The following CBFA2T3 variants were observed in gnomAD, a reference collection of about 807,000 sequenced individuals.
The protein encoded by CBFA2T3 is transcriptional corepressor CBFA2T3.
CBFA2T3 carries 31 observed loss-of-function variants against 58.6 expected under a neutral mutation model. That is an observed-to-expected ratio of 0.53 (90% CI 0.40 to 0.71). The LOEUF (loss-of-function observed/expected upper bound fraction) is 0.71, where lower values mean the gene tolerates loss of function less well. CBFA2T3 is among the 30% of genes least tolerant of loss of function. CBFA2T3 has a pLI of 0.00. For missense variants in CBFA2T3, 1,076 were observed against 963.1 expected (o/e 1.12, Z -1.55); for synonymous variants, 531 against 421.9 (o/e 1.26, Z -3.17).
At chr16:88,896,052 CAA>C (rs1969875083) in intron 3 of CBFA2T3, among the ~76,000 whole-genome samples, 1 of 152,200 alleles carries the variant, frequency 6.6e-6, no homozygotes, top group Non-Finnish European at 1.5e-5. Flanking sequence ...CTGCGCTGCC[CAA>C]GTCAGCCCCC....
At chr16:88,911,286 G>A (rs917009443) in intron 1 of CBFA2T3, among the ~76,000 whole-genome samples, 9 of 152,242 alleles carry the variant, frequency 5.9e-5, no homozygotes, top group Non-Finnish European at 1.3e-4. Context: ...GCAACAGAGC[G>A]GGGCCAGGTG....
chr16:88,947,681 A>C (rs926404506), intron 1 of CBFA2T3, among the ~76,000 whole-genome samples: 2 of 152,232 alleles, frequency 1.3e-5, no homozygotes, highest in African/African-American at 4.8e-5. Context: ...TGGGAGGCCA[A>C]GGAAGTAGTA....
At chr16:88,929,095 G>T (rs1313708565) in intron 1 of CBFA2T3, among the ~76,000 whole-genome samples, 3 of 152,158 alleles carry the variant, frequency 2.0e-5, no homozygotes, top group African/African-American at 7.2e-5. Context: ...ACCTGGGATG[G>T]GGGTCAGGGG....
chr16:88,940,498 A>C (rs2142804773), intron 1 of CBFA2T3, among the ~76,000 whole-genome samples: 1 of 152,312 alleles, frequency 6.6e-6, no homozygotes, highest in African/African-American at 2.4e-5. Flanking sequence ...GGCTGTGCCG[A>C]GGCCCGCGGC....
intron 1 of CBFA2T3, among the ~76,000 whole-genome samples, chr16:88,974,460 A>C (rs1435070982): frequency 6.6e-6 from 1 of 151,978 alleles, no homozygotes; most frequent in Non-Finnish European, 1.5e-5. Flanking sequence ...CTCAGCCCCC[A>C]GGACGCTGTC....
In CBFA2T3 at chr16:88,938,208, T is replaced by A. The variant is rs529056853; in HGVS notation, c.152-36552A>T. 43 of 152,378 alleles carry A rather than the reference T, an allele frequency of 2.8e-4. No homozygotes were observed. The East Asian group carries it at 6.0e-3, about 21-fold the overall frequency. The allele number at this position is 152,378 out of a possible 1,614,324, so 9.4% of individuals were successfully genotyped here. A position where few individuals can be genotyped will look rare whatever the true frequency, so the allele number is the denominator to read the frequency against. The stretch of plus-strand genomic sequence containing the variant: ...CAGGTGAGGGCTTTTGCACCTACAG[T>A]GCTAACCCCGAGTCATGACCGAGCC... On this transcript the variant is annotated intron_variant, in intron 1 of 11. Transcript: ENST00000268679.
At chr16:88,976,253 C>T (rs1226700425) in intron 1 of CBFA2T3, among the ~76,000 whole-genome samples, 1 of 152,200 alleles carries the variant, frequency 6.6e-6, no homozygotes, top group Non-Finnish European at 1.5e-5. Context: ...GTTTCCTCAT[C>T]CAACCTGCTG....
Position 88,953,481 on chromosome 16 carries a change from G to T in CBFA2T3, c.151+23176C>A, listed in dbSNP as rs1365293453. ...CAGCTCCCAGCGGAGCCCTCAAAAT[G>T]GTCCCCACAGCTGCCGCCCACTCTT... On this transcript the variant is annotated intron_variant, in intron 1 of 11. Transcript: ENST00000268679. This position sits in a 1 kb window ranked among gnomAD's most constrained non-coding sequence, Gnocchi z 4.9. 1.3e-5 allele frequency among the ~76,000 whole-genome samples: 2 copies of T among 152,154 alleles called. No individual in the cohort carries two copies. Among genetic ancestry groups the T allele is most frequent in the African/African-American group, 4.8e-5 (2 of 41,428 alleles).
intron 1 of CBFA2T3, among the ~76,000 whole-genome samples, chr16:88,921,191 CA>C (rs1427261256): frequency 6.6e-6 from 1 of 152,246 alleles, no homozygotes; most frequent in African/African-American, 2.4e-5. Context: ...ATGTGTTTTA[CA>C]AGCCTGCCTC....
intron 5 of CBFA2T3, among the ~76,000 whole-genome samples, chr16:88,888,641 G>A (rs975965619): frequency 4.1e-4 from 56 of 135,308 alleles, no homozygotes; most frequent in Non-Finnish European, 8.5e-4. Flanking sequence ...GGGTGGGACA[G>A]TGACAGTAGG....
chr16:88,879,626 C>T (rs1968984984), intron 10 of CBFA2T3, 166 bp from the exon 11 acceptor site: 11 of 621,028 alleles, frequency 1.8e-5, no homozygotes, highest in Middle Eastern at 2.8e-4. Context: ...GGCAGCTGAA[C>T]ACACGTAGCA....
intron 1 of CBFA2T3, among the ~76,000 whole-genome samples, chr16:88,924,514 C>A (rs527663705): frequency 6.6e-6 from 1 of 152,030 alleles, no homozygotes; most frequent in Admixed American, 6.5e-5. Context: ...GGGAGAAGAG[C>A]GGGCGGAGGG....
rs565787490 is a variant in CBFA2T3 at position 88,945,964 on chromosome 16, C to T, written c.151+30693G>A. On this transcript the variant is annotated intron_variant, in intron 1 of 11. Transcript: ENST00000268679. Reference sequence around the variant, plus strand: ...CATAAAATACTGTGGCATATGTAGACGATAGAGTGTTATCCATGACAAAAG... The same window carrying T: ...CATAAAATACTGTGGCATATGTAGATGATAGAGTGTTATCCATGACAAAAG... 4.7e-4 allele frequency among the ~76,000 whole-genome samples: 71 copies of T among 152,292 alleles called. No individual in the cohort carries two copies. The South Asian group carries it at 0.011, about 24-fold the overall frequency.
At chr16:88,969,089 G>A (rs1779254249) in intron 1 of CBFA2T3, among the ~76,000 whole-genome samples, 2 of 152,176 alleles carry the variant, frequency 1.3e-5, no homozygotes, top group African/African-American at 2.4e-5. Context: ...GTGAGCAGTC[G>A]GCTGGGTCAG....
intron 1 of CBFA2T3, among the ~76,000 whole-genome samples, chr16:88,946,959 A>C (rs1299413546): frequency 2.0e-5 from 3 of 152,206 alleles, no homozygotes; most frequent in African/African-American, 4.8e-5. Flanking sequence ...TGTGTTGCCC[A>C]GACTGCACAG....
intron 1 of CBFA2T3, among the ~76,000 whole-genome samples, chr16:88,924,043 G>A (rs544348326): frequency 4.9e-4 from 74 of 152,352 alleles, no homozygotes; most frequent in African/African-American, 1.6e-3. Context: ...GTGGAGGTGG[G>A]GGCGTGGTCA....
chr16:88,942,414 T>A (rs1306976062), intron 1 of CBFA2T3, among the ~76,000 whole-genome samples: 1 of 152,084 alleles, frequency 6.6e-6, no homozygotes, highest in African/African-American at 2.4e-5. Flanking sequence ...TCGCATAAAT[T>A]TTGCATGTGA....
chr16:88,914,978 G>A (rs12448144), intron 1 of CBFA2T3, among the ~76,000 whole-genome samples: 5 of 151,720 alleles, frequency 3.3e-5, no homozygotes, highest in Admixed American at 2.6e-4. Flanking sequence ...CCGGGGCGGG[G>A]TGGGGGTGGG....
At chr16:88,883,134 C>T (rs534685838) in intron 7 of CBFA2T3, 1 of 326,346 alleles carries the variant, frequency 3.1e-6, no homozygotes, top group South Asian at 2.8e-5. Context: ...GGAGCAGTGT[C>T]CTCAGCCACT....
Sources: allele counts gnomAD v4.1 joint callset (sites outside exome capture counted in the v4.1 genomes callset), GRCh38; gene constraint gnomAD v4.1.1; non-coding constraint Gnocchi (gnomAD v3.1); transcripts MANE v1.5; gene names NCBI Gene and HGNC (gene_info 2026-07-23, HGNC 2026-07-21).